The following SLC5A10 variants were observed in gnomAD, a reference collection of about 807,000 sequenced individuals.
SLC5A10 encodes the protein sodium/mannose cotransporter SLC5A10.
SLC5A10 carries 55 observed loss-of-function variants against 68.9 expected under a neutral mutation model. That is an observed-to-expected ratio of 0.80 (90% CI 0.64 to 1.00). SLC5A10 has a LOEUF of 1.00. SLC5A10 is among the 50% of genes least tolerant of loss of function. SLC5A10 has a pLI of 0.00. For missense variants in SLC5A10, 732 were observed against 819.3 expected, an observed-to-expected ratio of 0.89 and a Z score of 1.30; for synonymous variants, 344 against 344.8, an observed-to-expected ratio of 1.00 and a Z score of 0.02.
intron 4 of SLC5A10, among the ~76,000 whole-genome samples, 194 bp downstream of exon 4, chr17:18,959,857 G>C (rs942635029): frequency 6.8e-6 from 1 of 147,706 alleles, no homozygotes; most frequent in Non-Finnish European, 1.5e-5. Flanking sequence ...AACCTGCTAA[G>C]GTGGATCCCC....
chr17:18,970,845 AAAC>A (rs1567784490), intron 7 of SLC5A10, 165 bp from the exon 8 acceptor site: 2 of 617,344 alleles, frequency 3.2e-6, no homozygotes, highest in Non-Finnish European at 5.7e-6. Context: ...TTAAAAAAAA[AAAC>A]AACCCTCTAC....
At chr17:18,979,666 C>CT in intron 9 of SLC5A10, 2 of 1,613,378 alleles carry the variant, frequency 1.2e-6, no homozygotes, top group Non-Finnish European at 1.7e-6. Context: ...GCTCCGCACT[C>CT]TGAGATTCTG....
At chr17:18,994,777 T>C (rs1187458076) in intron 9 of SLC5A10, among the ~76,000 whole-genome samples, 1 of 152,166 alleles carries the variant, frequency 6.6e-6, no homozygotes, top group East Asian at 1.9e-4. Context: ...TGTAGACATG[T>C]GAGGCTTTAA....
intron 9 of SLC5A10, among the ~76,000 whole-genome samples, chr17:18,995,214 C>A (rs997869371): frequency 6.6e-6 from 1 of 152,088 alleles, no homozygotes; most frequent in Non-Finnish European, 1.5e-5. Flanking sequence ...GATGTTAGAA[C>A]TGGCAGATAA....
rs927303054 is a variant in SLC5A10 at position 18,968,539 on chromosome 17, G to C, written c.454-513G>C. Among the ~76,000 whole-genome samples, 5 of 152,210 alleles carry C rather than the reference G, an allele frequency of 3.3e-5. No individual in the cohort carries two copies. The highest frequency in any genetic ancestry group is 1.2e-4 in the African/African-American group (5 of 41,440). Reference sequence around the variant, plus strand: ...CTTCAGCCTGAGACCCAGCCTCTGAGCCACTATTGGCTTCAGTTCCAAACC... The same window carrying C: ...CTTCAGCCTGAGACCCAGCCTCTGACCCACTATTGGCTTCAGTTCCAAACC... On this transcript the variant is annotated intron_variant, in intron 5 of 14. Coordinates refer to ENST00000395645, the MANE Select transcript of SLC5A10 (RefSeq NM_001042450.4). The surrounding 1 kb of genome is among the most constrained non-coding windows in gnomAD (Gnocchi z 4.1).
chr17:19,008,354 GT>G (rs989237613), intron 9 of SLC5A10, among the ~76,000 whole-genome samples: 3 of 151,868 alleles, frequency 2.0e-5, no homozygotes, highest in African/African-American at 4.8e-5. Context: ...AAGTTTGATA[GT>G]TTTTTTTAAC....
At position 19,000,790 on chromosome 17, in the gene SLC5A10, G is replaced by A. The variant is rs770115148; in HGVS notation, c.983-12620G>A. ...GAAGGGGAGGTGGAAGCATGGGCACGAGAGGTGATTCATGGGGAGAGATAA... is the reference window on the plus strand; with the variant it reads ...GAAGGGGAGGTGGAAGCATGGGCACAAGAGGTGATTCATGGGGAGAGATAA... On this transcript the variant is annotated intron_variant, in intron 9 of 14. Transcript: ENST00000395645. This position sits in a 1 kb window ranked among gnomAD's most constrained non-coding sequence, Gnocchi z 5.2. Among the ~76,000 whole-genome samples, 2 of 152,188 alleles carry A rather than the reference G, an allele frequency of 1.3e-5. No individual in the cohort carries two copies. The highest frequency in any genetic ancestry group is 2.9e-5 in the Non-Finnish European group (2 of 68,024).
Position 19,017,471 on chromosome 17 carries a change from C to A in SLC5A10, c.1242-1952C>A. 7.2e-7 allele frequency: 1 copy of A among 1,382,136 alleles called. No individual in the cohort carries two copies. 85.6% of individuals were successfully genotyped at this position (1,382,136 alleles called of 1,614,324 possible). A position where few individuals can be genotyped will look rare whatever the true frequency, so the allele number is the denominator to read the frequency against. On this transcript the variant is annotated intron_variant, in intron 11 of 14. Transcript: ENST00000395645. The surrounding 1 kb of genome is among the most constrained non-coding windows in gnomAD (Gnocchi z 5.6). Reference sequence around the variant, plus strand: ...AGAGAGAAGACCAACAGCCCAGAGGCCTGGAGAGGAGGCCATCGCAGGGCC... The same window carrying A: ...AGAGAGAAGACCAACAGCCCAGAGGACTGGAGAGGAGGCCATCGCAGGGCC...
At chr17:18,967,063 G>C (rs900453892) in intron 5 of SLC5A10, among the ~76,000 whole-genome samples, 1 of 152,320 alleles carries the variant, frequency 6.6e-6, no homozygotes, top group African/African-American at 2.4e-5. Flanking sequence ...GCATCTGTCA[G>C]GCTGAAGCTG....
At chr17:18,975,414 A>C (rs1419942848) in intron 8 of SLC5A10, among the ~76,000 whole-genome samples, 2 of 152,188 alleles carry the variant, frequency 1.3e-5, no homozygotes, top group Non-Finnish European at 2.9e-5. Flanking sequence ...AGGCAGCCGG[A>C]TGCGGTGGCT....
chr17:18,982,273 G>A (rs927878047), intron 9 of SLC5A10, among the ~76,000 whole-genome samples: 1 of 152,222 alleles, frequency 6.6e-6, no homozygotes, highest in African/African-American at 2.4e-5. Context: ...GCAGCAGGTG[G>A]GGGCCTGCAG....
intron 9 of SLC5A10, among the ~76,000 whole-genome samples, chr17:18,990,200 G>T (rs2043378363): frequency 6.6e-6 from 1 of 152,192 alleles, no homozygotes; most frequent in African/African-American, 2.4e-5. Flanking sequence ...TTAAGAGGGA[G>T]CTCACTCCCT....
At chr17:18,954,946 C>T (rs1253395273) in intron 1 of SLC5A10, among the ~76,000 whole-genome samples, 2 of 151,886 alleles carry the variant, frequency 1.3e-5, no homozygotes, top group Non-Finnish European at 2.9e-5. Context: ...ATTAGCCAGG[C>T]GTGGTGCCAG....
In SLC5A10 at chr17:19,003,425, G is replaced by C; in HGVS notation, c.983-9985G>C. On this transcript the variant is annotated intron_variant, in intron 9 of 14. Transcript: ENST00000395645. This position sits in a 1 kb window ranked among gnomAD's most constrained non-coding sequence, Gnocchi z 4.5. Reference sequence around the variant, plus strand: ...ACAGCAGAGATCCCTAGAAGCCCATGTTGGGCTCCCGTTTTGGGCTCTGAG... The same window carrying C: ...ACAGCAGAGATCCCTAGAAGCCCATCTTGGGCTCCCGTTTTGGGCTCTGAG... 1 of 1,333,384 alleles carries C rather than the reference G, an allele frequency of 7.5e-7. No homozygotes were observed. Among genetic ancestry groups the C allele is most frequent in the South Asian group, 1.8e-5 (1 of 55,502 alleles). 82.6% of individuals were successfully genotyped at this position (1,333,384 alleles called of 1,614,324 possible).
Position 19,004,507 on chromosome 17 carries a change from C to A in SLC5A10, c.983-8903C>A, listed in dbSNP as rs1185941556. On this transcript the variant is annotated intron_variant, in intron 9 of 14. Transcript: ENST00000395645. This position sits in a 1 kb window ranked among gnomAD's most constrained non-coding sequence, Gnocchi z 5.4. ...AGTAGCTTCTTAGAGTGGGAGGCGG[C>A]CCCGGCACAGAGGCGCCCCGCAAAC... 6.6e-6 allele frequency among the ~76,000 whole-genome samples: 1 copy of A among 152,148 alleles called. No individual in the cohort carries two copies. The highest frequency in any genetic ancestry group is 1.5e-5 in the Non-Finnish European group (1 of 67,996).
At chr17:18,985,333 A>G (rs1271706039) in intron 9 of SLC5A10, among the ~76,000 whole-genome samples, 2 of 152,194 alleles carry the variant, frequency 1.3e-5, no homozygotes, top group African/African-American at 4.8e-5. Flanking sequence ...CAAGGTTACC[A>G]TGCAGGTGGC....
chr17:19,014,360 T>G (rs909394483), intron 10 of SLC5A10, among the ~76,000 whole-genome samples: 11 of 152,214 alleles, frequency 7.2e-5, no homozygotes, highest in Non-Finnish European at 1.2e-4. Flanking sequence ...CAGAAGGCCT[T>G]TCACAGCAAT....
chr17:19,015,182 G>A lies in SLC5A10; in HGVS notation c.1224G>A (p.Glu408=). The A allele has an allele frequency of 6.3e-7, 1 of 1,594,284 alleles. No individual in the cohort carries two copies. The highest frequency in any genetic ancestry group is 1.1e-5 in the South Asian group (1 of 90,756). Residue 408 remains glutamate, a synonymous_variant, in exon 11 of 15, where the codon GAG becomes GAA. Transcript: ENST00000395645. The part of the protein sequence containing the change: ...RRLRPRSGER[E]LLLVGRLVIV... ...TGCGTCCCCGCTCCGGCGAGCGGGAGCTCCTGCTGGTGGGACGGTACGGGG... is the reference window on the plus strand; with the variant it reads ...TGCGTCCCCGCTCCGGCGAGCGGGAACTCCTGCTGGTGGGACGGTACGGGG...
At chr17:18,987,386 C>A (rs1040483386) in intron 9 of SLC5A10, among the ~76,000 whole-genome samples, 2 of 152,224 alleles carry the variant, frequency 1.3e-5, no homozygotes, top group South Asian at 4.1e-4. Flanking sequence ...CAGGGCCTGG[C>A]GCACGGCCAA....
Sources: gnomAD v4.1 joint callset for allele counts (sites outside exome capture counted in the v4.1 genomes callset) on GRCh38, gnomAD v4.1.1 for gene constraint, Gnocchi (gnomAD v3.1) non-coding constraint, MANE v1.5 for transcripts, NCBI Gene and HGNC (gene_info 2026-07-23, HGNC 2026-07-21) for gene names.